The following MYOCD variants were observed in gnomAD, a reference collection of about 807,000 sequenced individuals.
MYOCD encodes myocardin.
A neutral mutation model predicts 96.1 loss-of-function variants in MYOCD; 32 were observed. The ratio of observed to expected loss-of-function variants is 0.33; its 90% CI spans 0.25 to 0.45. The LOEUF is 0.45. MYOCD is among the 20% of genes least tolerant of loss of function. The pLI, the probability that MYOCD is intolerant of heterozygous loss-of-function variation, is 1.00. For missense variants in MYOCD, 1,133 were observed against 1,200.6 expected (o/e 0.94, Z 0.83); for synonymous variants, 469 against 469.0 (o/e 1.00, Z 0.00).
chr17:12,742,856 G>C (rs1376554008), intron 7 of MYOCD, among the ~76,000 whole-genome samples: 2 of 152,124 alleles, frequency 1.3e-5, no homozygotes, highest in Non-Finnish European at 2.9e-5. Context: ...ACAGGCATGA[G>C]CCACCGCGCC....
chr17:12,713,801 C>G (rs1328540999), intron 2 of MYOCD, among the ~76,000 whole-genome samples: 1 of 152,010 alleles, frequency 6.6e-6, no homozygotes, highest in Non-Finnish European at 1.5e-5. Context: ...ATGACCAGAC[C>G]CAACTCAAAG....
At chr17:12,712,989 C>T (rs1215425555) in intron 2 of MYOCD, among the ~76,000 whole-genome samples, 3 of 152,146 alleles carry the variant, frequency 2.0e-5, no homozygotes, top group African/African-American at 7.2e-5. Context: ...CCCACGGTCT[C>T]TGAAGTCACT....
chr17:12,675,916 T>C (rs1910004114), intron 1 of MYOCD, among the ~76,000 whole-genome samples: 1 of 152,146 alleles, frequency 6.6e-6, no homozygotes, highest in South Asian at 2.1e-4. Context: ...AAAAAGAAGT[T>C]TCAAAGATAT....
Position 12,752,821 on chromosome 17 carries a change from T to C in MYOCD, c.1533T>C (p.Asp511=), listed in dbSNP as rs199684025. The C allele has an allele frequency of 1.8e-5, 29 of 1,613,984 alleles. No individual in the cohort carries two copies. Among genetic ancestry groups the C allele is most frequent in the Non-Finnish European group, 2.5e-5 (29 of 1,179,992 alleles). ...LNGGSVPSEL[D]GLDSEKDKML... is the part of the protein sequence containing the mutation. The stretch of plus-strand genomic sequence containing the variant: ...GGGGCTCTGTTCCTTCTGAGCTGGA[T>C]GGGCTGGACTCCGAGAAGGACAAGA... The change falls in exon 10 of 14, where the codon GAT becomes GAC. Residue 511 remains aspartate (D), a synonymous_variant. Coordinates refer to ENST00000425538, the MANE Select transcript of MYOCD (RefSeq NM_001146312.3).
At chr17:12,711,726 G>C (rs2031485672) in intron 2 of MYOCD, among the ~76,000 whole-genome samples, 2 of 151,888 alleles carry the variant, frequency 1.3e-5, no homozygotes, top group Admixed American at 1.3e-4. Flanking sequence ...ATGATTCATT[G>C]CTCCATTTTT....
chr17:12,705,080 T>C, intron 1 of MYOCD, 48 bp from the exon 2 acceptor site: 5 of 1,131,068 alleles, frequency 4.4e-6, no homozygotes, highest in Non-Finnish European at 6.7e-6. Context: ...ATATAATGAT[T>C]GTAATGATAT....
intron 8 of MYOCD, 66 bp downstream of exon 8, chr17:12,744,502 A>G: frequency 1.3e-6 from 2 of 1,523,880 alleles, no homozygotes; most frequent in Non-Finnish European, 1.8e-6. Context: ...ATTAATATCT[A>G]TCTGCCAGCA....
In MYOCD at chr17:12,734,834, A is replaced by G. The variant is rs185979790; in HGVS notation, c.416-1327A>G. Among the ~76,000 whole-genome samples the G allele has an allele frequency of 2.6e-5, 4 of 152,242 alleles. No individual in the cohort carries two copies. In the East Asian group the frequency reaches 7.7e-4, roughly 29 times the overall value. On this transcript the variant is annotated intron_variant, in intron 5 of 13. Coordinates refer to ENST00000425538, the MANE Select transcript of MYOCD (RefSeq NM_001146312.3). The stretch of plus-strand genomic sequence containing the variant: ...ACATTAGGCATTTTTCTAAGGTATG[A>G]ATTTCTATGATGAACATGTATTACT...
In MYOCD at chr17:12,713,999, A is replaced by AT. The variant is rs770426896; in HGVS notation, c.122-1511dup. The stretch of plus-strand genomic sequence containing the variant: ...TCAATGGTATTCAAGAAGCATGTTC[A>AT]TTTTTTTTTCTATAAGAAGGGAAGT... On this transcript the variant is annotated intron_variant, in intron 2 of 13. Transcript: ENST00000425538. 3.4e-4 allele frequency among the ~76,000 whole-genome samples: 52 copies of AT among 151,492 alleles called. No individual in the cohort carries two copies. In the South Asian group the frequency reaches 3.6e-3, roughly 10 times the overall value.
rs994494080 is a variant in MYOCD at position 12,665,997 on chromosome 17, C to T, written c.-192C>T. 1.6e-5 allele frequency: 9 copies of T among 558,822 alleles called. No individual in the cohort carries two copies. The highest frequency in any genetic ancestry group is 2.9e-5 in the Non-Finnish European group (9 of 314,262). 34.6% of individuals were successfully genotyped at this position (558,822 alleles called of 1,614,324 possible). ...CCCGCCGGCTAAGAGTTAATTAGCCCCGCACGGCGAGGGGGGAGGCGCCAG... is the reference window on the plus strand; with the variant it reads ...CCCGCCGGCTAAGAGTTAATTAGCCTCGCACGGCGAGGGGGGAGGCGCCAG... On this transcript the variant is annotated 5_prime_UTR_variant, in exon 1 of 14. Coordinates refer to ENST00000425538, the MANE Select transcript of MYOCD (RefSeq NM_001146312.3). This position sits in a 1 kb window ranked among gnomAD's most constrained non-coding sequence, Gnocchi z 4.2.
chr17:12,703,374 C>A (rs1427899779), intron 1 of MYOCD, among the ~76,000 whole-genome samples: 2 of 151,962 alleles, frequency 1.3e-5, no homozygotes, highest in Admixed American at 6.6e-5. Flanking sequence ...CCTTTTGAAT[C>A]TGTACATTTT....
chr17:12,685,604 T>TA (rs66632617), intron 1 of MYOCD, among the ~76,000 whole-genome samples: 2,190 of 143,962 alleles, frequency 0.015, 65 homozygotes, highest in African/African-American at 0.052. Context: ...GAGACTGGCT[T>TA]AAAAAAAAAA....
intron 5 of MYOCD, among the ~76,000 whole-genome samples, chr17:12,729,679 C>A (rs1941443436): frequency 6.6e-6 from 1 of 152,028 alleles, no homozygotes; most frequent in Admixed American, 6.5e-5. Flanking sequence ...TCAAACAATT[C>A]TCCTGCCTCA....
At chr17:12,717,463 T>C in intron 4 of MYOCD, 42 bp downstream of exon 4, 1 of 1,500,472 alleles carries the variant, frequency 6.7e-7, no homozygotes, top group South Asian at 1.1e-5. Flanking sequence ...TGCTGCAGAA[T>C]GGTGGGCCAT....
intron 1 of MYOCD, among the ~76,000 whole-genome samples, chr17:12,698,321 G>A (rs758747987): frequency 2.1e-4 from 32 of 152,180 alleles, no homozygotes; most frequent in Non-Finnish European, 4.0e-4. Context: ...TCATAAGCCA[G>A]TCCATAGAAA....
chr17:12,728,136 C>T (rs953709813), intron 5 of MYOCD, among the ~76,000 whole-genome samples: 6 of 152,098 alleles, frequency 3.9e-5, no homozygotes, highest in African/African-American at 1.4e-4. Context: ...AAATGATATC[C>T]TGGAGTTTAG....
chr17:12,693,393 C>A (rs762000291), intron 1 of MYOCD, among the ~76,000 whole-genome samples: 1 of 151,706 alleles, frequency 6.6e-6, no homozygotes, highest in Non-Finnish European at 1.5e-5. Flanking sequence ...GCGGATCACC[C>A]GAGGTCAGGA....
At chr17:12,737,252 T>G (rs2032372903) in intron 6 of MYOCD, among the ~76,000 whole-genome samples, 1 of 151,830 alleles carries the variant, frequency 6.6e-6, no homozygotes, top group South Asian at 2.1e-4. Flanking sequence ...TGAAACTCCA[T>G]CTCAAAGGGG....
intron 1 of MYOCD, among the ~76,000 whole-genome samples, chr17:12,669,222 A>G (rs1909544074): frequency 1.3e-5 from 2 of 152,372 alleles, no homozygotes; most frequent in Middle Eastern, 3.4e-3. Flanking sequence ...TACAAAACAC[A>G]CAGGGAGGTA....
Sources: gnomAD v4.1 joint callset for allele counts (sites outside exome capture counted in the v4.1 genomes callset) on GRCh38, gnomAD v4.1.1 for gene constraint, Gnocchi (gnomAD v3.1) non-coding constraint, MANE v1.5 for transcripts, NCBI Gene and HGNC (gene_info 2026-07-23, HGNC 2026-07-21) for gene names.